The following MPDZ variants were observed in gnomAD, a reference collection of about 807,000 sequenced individuals.
The protein encoded by MPDZ is multiple PDZ domain crumbs cell polarity complex component, also known as multiple PDZ domain protein.
MPDZ carries 234 observed loss-of-function variants against 239.1 expected under a neutral mutation model. That is an observed-to-expected ratio of 0.98 (90% confidence interval 0.88 to 1.09). MPDZ has a LOEUF of 1.09. Ranked by LOEUF, MPDZ falls within the 50% of genes least tolerant of loss-of-function variation. MPDZ has a pLI of 0.00. For missense variants in MPDZ, 3,175 were observed against 2,510.0 expected (o/e 1.26, Z -5.66); for synonymous variants, 1,048 against 881.3 (o/e 1.19, Z -3.35).
chr9:13,110,500 T>A (rs1942268179), intron 44 of MPDZ, 136 bp downstream of exon 44: 3 of 687,414 alleles, frequency 4.4e-6, no homozygotes. Flanking sequence ...AACTCTTAAT[T>A]TAATCATTTA....
rs372204991 is a variant in MPDZ at position 13,125,218 on chromosome 9, C to T, written c.4805G>A (p.Arg1602Gln). Residue 1602 changes from arginine to glutamine, a missense_variant and splice_region_variant, in exon 35 of 47, where the codon CGA becomes CAA. Arg to Gln is a conservative substitution (Grantham distance 43, BLOSUM62 1). Transcript: ENST00000319217. ...QSGSPEPESI[R>Q]NTSRSSTPAI... ...TCTCATGAGTCCAGAGGCCTTACTT[C>T]GGATGGACTCCGGTTCTGGGGAGCC... The T allele has an allele frequency of 3.1e-6, 5 of 1,590,144 alleles. No homozygotes were observed. Among genetic ancestry groups the T allele is most frequent in the East Asian group, 2.2e-5 (1 of 44,550 alleles).
At chr9:13,230,944 C>G (rs1417643916) in intron 3 of MPDZ, among the ~76,000 whole-genome samples, 1 of 151,702 alleles carries the variant, frequency 6.6e-6, no homozygotes, top group Non-Finnish European at 1.5e-5. Flanking sequence ...AGCTAAGCAT[C>G]CGAATCAAAA....
intron 23 of MPDZ, among the ~76,000 whole-genome samples, chr9:13,161,017 T>C (rs1373706407): frequency 1.3e-5 from 2 of 151,386 alleles, no homozygotes; most frequent in South Asian, 2.1e-4. Flanking sequence ...GATTTTGGTA[T>C]CCATGGGGAG....
chr9:13,254,989 GA>G (rs751764204), intron 1 of MPDZ, among the ~76,000 whole-genome samples: 1 of 152,154 alleles, frequency 6.6e-6, no homozygotes, highest in Non-Finnish European at 1.5e-5. Context: ...AGATTTCTCT[GA>G]AGCATGTGAT....
chr9:13,236,237 G>GTGTA (rs1564099395), intron 3 of MPDZ, among the ~76,000 whole-genome samples: 1 of 10,650 alleles, frequency 9.4e-5, no homozygotes, highest in Non-Finnish European at 1.9e-4. Context: ...ATATGTATAT[G>GTGTA]TGTGTGTGTG....
At chr9:13,154,022 G>A (rs997883288) in intron 24 of MPDZ, among the ~76,000 whole-genome samples, 4 of 152,026 alleles carry the variant, frequency 2.6e-5, no homozygotes, top group Non-Finnish European at 5.9e-5. Flanking sequence ...ATACCTATAA[G>A]GTAGACATTC....
At chr9:13,109,135 CA>C in intron 45 of MPDZ, 76 bp from the exon 46 acceptor site, 1 of 1,113,986 alleles carries the variant, frequency 9.0e-7, no homozygotes, top group Non-Finnish European at 1.2e-6. Flanking sequence ...AATTATCTGA[CA>C]TCCACCTAGA....
rs370525854 is a variant in MPDZ, at chr9:13,143,474, C to T, written c.3832G>A (p.Ala1278Thr). 2.2e-5 allele frequency: 36 copies of T among 1,611,010 alleles called. No individual in the cohort carries two copies. The highest frequency in any genetic ancestry group is 3.3e-5 in the Admixed American group (2 of 59,928). Reference protein sequence around the residue: ...NPFADSLQINADKAPSQSESE... With the variant: ...NPFADSLQINTDKAPSQSESE... ...AATGGGCATTATCCAACCTTGTCGG[C>T]GTTGATTTGTAGAGAGTCAGCAAAT... is the stretch of plus-strand genomic sequence containing the variant. The change falls in exon 27 of 47, where the codon GCC becomes ACC. Residue 1278 changes from alanine (A) to threonine (T), a missense_variant. Ala to Thr is a moderately conservative substitution (Grantham distance 58, BLOSUM62 0). Transcript: ENST00000319217.
At chr9:13,109,861 T>C in intron 45 of MPDZ, 91 bp downstream of exon 45, 1 of 977,940 alleles carries the variant, frequency 1.0e-6, no homozygotes, top group Non-Finnish European at 1.6e-6. Flanking sequence ...CTGTACGTAA[T>C]TCCTAGAAAC....
chr9:13,168,217 C>A, intron 22 of MPDZ, 149 bp downstream of exon 22: 2 of 740,550 alleles, frequency 2.7e-6, no homozygotes, highest in Admixed American at 5.5e-5. Flanking sequence ...TCGAGAACTA[C>A]TCAAAAATAG....
At chr9:13,213,187 T>C (rs932398931) in intron 10 of MPDZ, among the ~76,000 whole-genome samples, 3 of 152,050 alleles carry the variant, frequency 2.0e-5, no homozygotes, top group East Asian at 1.9e-4. Flanking sequence ...TTTTGTCAAA[T>C]AGTCAAATTA....
At chr9:13,232,004 T>C (rs1005575936) in intron 3 of MPDZ, among the ~76,000 whole-genome samples, 8 of 151,908 alleles carry the variant, frequency 5.3e-5, no homozygotes, top group Non-Finnish European at 5.9e-5. Flanking sequence ...GTTCAAAAGA[T>C]GGGAGAAAAA....
chr9:13,117,680 T>G (rs1236024233), intron 39 of MPDZ, among the ~76,000 whole-genome samples: 1 of 152,206 alleles, frequency 6.6e-6, no homozygotes, highest in East Asian at 1.9e-4. Flanking sequence ...CAATGAACTC[T>G]ATGTGCATGA....
intron 19 of MPDZ, among the ~76,000 whole-genome samples, chr9:13,182,657 CAAT>C (rs1176398902): frequency 6.6e-6 from 1 of 151,408 alleles, no homozygotes; most frequent in Non-Finnish European, 1.5e-5. Context: ...AACAAATGGC[CAAT>C]ATTATGAAAA....
intron 10 of MPDZ, among the ~76,000 whole-genome samples, chr9:13,208,736 G>GTAGT (rs1242966104): frequency 2.0e-5 from 3 of 151,184 alleles, no homozygotes; most frequent in African/African-American, 7.3e-5. Flanking sequence ...GGGAAAATGA[G>GTAGT]TAGTTATTTT....
chr9:13,132,785 A>C (rs990244818), intron 32 of MPDZ, among the ~76,000 whole-genome samples: 1 of 152,264 alleles, frequency 6.6e-6, no homozygotes, highest in African/African-American at 2.4e-5. Context: ...ACGTTAAGAA[A>C]CATGCTCAAA....
chr9:13,138,291 T>C lies in MPDZ; in HGVS notation c.4004-138A>G, dbSNP rs528423481. 110 of 969,362 alleles carry C rather than the reference T, an allele frequency of 1.1e-4. 1 individual carries two copies. The South Asian group carries it at 2.1e-3, about 18-fold the overall frequency. The allele number at this position is 969,362 out of a possible 1,614,324, so 60.0% of individuals were successfully genotyped here. A position where few individuals can be genotyped will look rare whatever the true frequency, so the allele number is the denominator to read the frequency against. ...TACGCTTTGACAGTTAAAAGCTAAATAGACTAGGCACTTGGGCATCAGGAC... is the reference window on the plus strand; with the variant it reads ...TACGCTTTGACAGTTAAAAGCTAAACAGACTAGGCACTTGGGCATCAGGAC... On this transcript the variant is annotated intron_variant, in intron 28 of 46. Coordinates refer to ENST00000319217, the MANE Select transcript of MPDZ (RefSeq NM_001378778.1).
intron 20 of MPDZ, 105 bp downstream of exon 20, chr9:13,176,031 A>C: frequency 1.4e-6 from 2 of 1,425,892 alleles, no homozygotes; most frequent in Non-Finnish European, 1.9e-6. Context: ...TGAAAATCTT[A>C]GTGTCAAGAA....
At chr9:13,171,747 A>T (rs370388616) in intron 21 of MPDZ, among the ~76,000 whole-genome samples, 1 of 152,334 alleles carries the variant, frequency 6.6e-6, no homozygotes, top group Non-Finnish European at 1.5e-5. Flanking sequence ...AAAACAATGG[A>T]TTATGACAGC....
Sources: allele counts gnomAD v4.1 joint callset (sites outside exome capture counted in the v4.1 genomes callset), GRCh38; gene constraint gnomAD v4.1.1; transcripts MANE v1.5; gene names NCBI Gene and HGNC (gene_info 2026-07-23, HGNC 2026-07-21).